C9orf153: variants seen among roughly 807,000 people sequenced by gnomAD.
C9orf153 encodes uncharacterized protein C9orf153.
Under a neutral mutation model 9.0 loss-of-function variants are expected in C9orf153, and 10 were observed. That is an observed-to-expected ratio of 1.11 (90% CI 0.69 to 1.89). The LOEUF is 1.89. Among genes scored for constraint, C9orf153 ranks in the 40% most tolerant of loss-of-function variants. C9orf153 has a pLI of 0.00. For synonymous variants in C9orf153, 35 were observed against 37.3 expected (o/e 0.94, Z 0.23); for missense variants, 108 against 111.0 (o/e 0.97, Z 0.12).
chr9:86,240,950 G>A (rs1824730193), intron 1 of C9orf153, among the ~76,000 whole-genome samples: 1 of 151,552 alleles, frequency 6.6e-6, no homozygotes, highest in Non-Finnish European at 1.5e-5. Context: ...CTCATGACGC[G>A]TCCACCTCCG....
At chr9:86,233,944 A>G (rs892453273) in intron 1 of C9orf153, among the ~76,000 whole-genome samples, 3 of 151,936 alleles carry the variant, frequency 2.0e-5, no homozygotes, top group African/African-American at 7.3e-5. Flanking sequence ...TTAGCTGGGC[A>G]TGGTGGTGCA....
chr9:86,236,299 C>T (rs1030532998), intron 1 of C9orf153, among the ~76,000 whole-genome samples: 1 of 151,836 alleles, frequency 6.6e-6, no homozygotes, highest in Non-Finnish European at 1.5e-5. Flanking sequence ...GCCTGTAATC[C>T]CAGCACTTTG....
At chr9:86,225,937 C>T (rs1441015483) in intron 3 of C9orf153, among the ~76,000 whole-genome samples, 2 of 152,148 alleles carry the variant, frequency 1.3e-5, no homozygotes, top group Admixed American at 6.5e-5. Flanking sequence ...GTAATTCATG[C>T]ATTAGGAAGA....
At chr9:86,237,775 CAA>C (rs1824630145) in intron 1 of C9orf153, among the ~76,000 whole-genome samples, 1 of 152,074 alleles carries the variant, frequency 6.6e-6, no homozygotes, top group African/African-American at 2.4e-5. Flanking sequence ...CACCTAACAA[CAA>C]AGTGTCAAAA....
At chr9:86,222,317 A>G (rs547180870) in intron 3 of C9orf153, among the ~76,000 whole-genome samples, 1 of 152,220 alleles carries the variant, frequency 6.6e-6, no homozygotes, top group African/African-American at 2.4e-5. Flanking sequence ...AGGTGGACGG[A>G]GTATTTCATT....
intron 1 of C9orf153, among the ~76,000 whole-genome samples, chr9:86,250,801 C>T (rs915012507): frequency 2.6e-5 from 4 of 152,104 alleles, no homozygotes; most frequent in African/African-American, 7.2e-5. Context: ...TCAGTGGTAA[C>T]GTAGGAACAA....
At chr9:86,222,077 G>A (rs1212973482) in intron 3 of C9orf153, among the ~76,000 whole-genome samples, 1 of 151,782 alleles carries the variant, frequency 6.6e-6, no homozygotes, top group Non-Finnish European at 1.5e-5. Context: ...TAGTAGAGAC[G>A]GGGTTTCACC....
At chr9:86,244,592 A>G (rs1388922559) in intron 1 of C9orf153, among the ~76,000 whole-genome samples, 3 of 152,226 alleles carry the variant, frequency 2.0e-5, no homozygotes, top group Non-Finnish European at 1.5e-5. Context: ...ATATAAAATA[A>G]AAATTATAAG....
intron 1 of C9orf153, among the ~76,000 whole-genome samples, chr9:86,241,598 C>T (rs1054730803): frequency 2.0e-5 from 3 of 152,030 alleles, no homozygotes; most frequent in Non-Finnish European, 4.4e-5. Flanking sequence ...CTTACATAGA[C>T]AAGGTTTTAT....
intron 1 of C9orf153, among the ~76,000 whole-genome samples, chr9:86,246,204 A>G (rs1161485453): frequency 6.6e-6 from 1 of 152,182 alleles, no homozygotes; most frequent in Non-Finnish European, 1.5e-5. Flanking sequence ...CTTGGCAAAG[A>G]GATAATAAAT....
At chr9:86,254,010 G>T (rs1347706773) in intron 1 of C9orf153, among the ~76,000 whole-genome samples, 1 of 148,344 alleles carries the variant, frequency 6.7e-6, no homozygotes, top group East Asian at 2.1e-4. Context: ...AGAAAGGCAT[G>T]AACCTGGGAG....
intron 1 of C9orf153, among the ~76,000 whole-genome samples, chr9:86,251,588 T>C (rs2131205591): frequency 6.6e-6 from 1 of 152,242 alleles, no homozygotes; most frequent in Middle Eastern, 3.4e-3. Flanking sequence ...TGGTTTTTGT[T>C]ATAGGGAATA....
chr9:86,233,226 T>C (rs1008574796), intron 1 of C9orf153, among the ~76,000 whole-genome samples: 2 of 152,186 alleles, frequency 1.3e-5, no homozygotes, highest in Admixed American at 1.3e-4. Context: ...TTCTCTTGAC[T>C]GTGATCCTAC....
intron 1 of C9orf153, among the ~76,000 whole-genome samples, chr9:86,230,873 T>G (rs950373923): frequency 6.6e-6 from 1 of 152,208 alleles, no homozygotes; most frequent in African/African-American, 2.4e-5. Context: ...CATTGATAAG[T>G]GGCAGTTAAG....
chr9:86,224,983 C>T (rs962825435), intron 3 of C9orf153, among the ~76,000 whole-genome samples: 8 of 149,652 alleles, frequency 5.3e-5, no homozygotes, highest in African/African-American at 1.7e-4. Context: ...CCCTTGTCTG[C>T]GTACCCCTAG....
chr9:86,230,136 C>T (rs778771349), intron 1 of C9orf153, among the ~76,000 whole-genome samples: 37 of 152,262 alleles, frequency 2.4e-4, no homozygotes, highest in Admixed American at 1.1e-3. Flanking sequence ...CAAAGCATAT[C>T]AATACAATTT....
intron 1 of C9orf153, among the ~76,000 whole-genome samples, chr9:86,244,071 C>T (rs1038566576): frequency 6.6e-6 from 1 of 152,156 alleles, no homozygotes; most frequent in African/African-American, 2.4e-5. Context: ...TGAGAGCTTG[C>T]AGTGTGAGTA....
chr9:86,256,092 T>C (rs974528817), intron 1 of C9orf153, among the ~76,000 whole-genome samples: 3 of 152,262 alleles, frequency 2.0e-5, no homozygotes, highest in African/African-American at 7.2e-5. Context: ...GAGCACAATG[T>C]GCATTCACAG....
At chr9:86,246,237 T>C (rs755144995) in intron 1 of C9orf153, among the ~76,000 whole-genome samples, 1 of 152,216 alleles carries the variant, frequency 6.6e-6, no homozygotes, top group Non-Finnish European at 1.5e-5. Flanking sequence ...GTATTTGCCT[T>C]GGAAAGATGT....
Sources: gnomAD v4.1 joint callset for allele counts (sites outside exome capture counted in the v4.1 genomes callset) on GRCh38, gnomAD v4.1.1 for gene constraint, MANE v1.5 for transcripts, NCBI Gene and HGNC (gene_info 2026-07-23, HGNC 2026-07-21) for gene names.